The following TNRC18 variants were observed in gnomAD, a reference collection of about 807,000 sequenced individuals.
TNRC18 encodes the protein trinucleotide repeat-containing gene 18 protein.
Under a neutral mutation model 226.7 loss-of-function variants are expected in TNRC18, and 69 were observed. The observed-to-expected ratio is 0.30, with a 90% CI of 0.25 to 0.37. The LOEUF (loss-of-function observed/expected upper bound fraction) is 0.37, where lower values mean the gene tolerates loss of function less well. Among genes scored for constraint, TNRC18 ranks in the 10% least tolerant of loss-of-function variants. The probability of loss-of-function intolerance (pLI) is 1.00; values close to 1 mark genes in which losing one functional copy is unlikely to be tolerated. For synonymous variants in TNRC18, 2,449 were observed against 1,927.6 expected (o/e 1.27, Z -7.09); for missense variants, 4,754 against 4,256.6 (o/e 1.12, Z -3.25).
chr7:5,345,543 C>G lies in TNRC18; in HGVS notation c.5719+19G>C. The G allele has an allele frequency of 7.0e-7, 1 of 1,419,172 alleles. No homozygotes were observed. Among genetic ancestry groups the G allele is most frequent in the Non-Finnish European group, 9.3e-7 (1 of 1,078,492 alleles). 87.9% of individuals were successfully genotyped at this position (1,419,172 alleles called of 1,614,324 possible). A position where few individuals can be genotyped will look rare whatever the true frequency, so the allele number is the denominator to read the frequency against. ...CCCCTCCCACCCACCCCCACCGCAG[C>G]CCACCTGCTGCCACTTACCCAGCAG... On this transcript the variant is annotated intron_variant, in intron 18 of 29. Transcript: ENST00000430969.
intron 24 of TNRC18, among the ~76,000 whole-genome samples, chr7:5,319,667 C>T (rs1373370108): frequency 6.6e-6 from 1 of 152,150 alleles, no homozygotes; most frequent in Non-Finnish European, 1.5e-5. Flanking sequence ...TGCCACCACG[C>T]CCGGCTAATT....
At chr7:5,384,232 T>C (rs1232466143) in intron 5 of TNRC18, among the ~76,000 whole-genome samples, 3 of 152,108 alleles carry the variant, frequency 2.0e-5, no homozygotes, top group Non-Finnish European at 4.4e-5. Flanking sequence ...TCTCCCAAAG[T>C]GCTGGGATTA....
chr7:5,328,227 A>G (rs887492512), intron 19 of TNRC18, among the ~76,000 whole-genome samples: 3 of 148,678 alleles, frequency 2.0e-5, no homozygotes. Flanking sequence ...GCAAAAAACA[A>G]AAAAAATACT....
In TNRC18 at chr7:5,324,064, C is replaced by T; in HGVS notation, c.6442+150G>A. The T allele has an allele frequency of 2.2e-6, 2 of 895,166 alleles. No homozygotes were observed. The highest frequency in any genetic ancestry group is 3.6e-4 in the Middle Eastern group (1 of 2,802). The allele number at this position is 895,166 out of a possible 1,614,324, so 55.5% of individuals were successfully genotyped here. A position where few individuals can be genotyped will look rare whatever the true frequency, so the allele number is the denominator to read the frequency against. ...GCAGCCAGTCCAGCCTTCTCATCGA[C>T]CCGGATAACTCAGCCTCAGGATCTC... On this transcript the variant is annotated intron_variant, in intron 21 of 29. Coordinates refer to ENST00000430969, the MANE Select transcript of TNRC18 (RefSeq NM_001080495.3). The surrounding 1 kb of genome is among the most constrained non-coding windows in gnomAD (Gnocchi z 4.8).
At position 5,307,273 on chromosome 7, in the gene TNRC18, A is replaced by G. The variant is rs1786637070; in HGVS notation, c.*833T>C. ...AAAGTTTATATATATATTTATATATATTTATCTTTATATATATAATTAAAA... is the reference window on the plus strand; with the variant it reads ...AAAGTTTATATATATATTTATATATGTTTATCTTTATATATATAATTAAAA... On this transcript the variant is annotated 3_prime_UTR_variant, in exon 30 of 30. Transcript: ENST00000430969. The G allele has an allele frequency of 6.7e-6, 1 of 149,116 alleles. No homozygotes were observed. Among genetic ancestry groups the G allele is most frequent in the African/African-American group, 2.4e-5 (1 of 40,916 alleles). 9.2% of individuals were successfully genotyped at this position (149,116 alleles called of 1,614,324 possible). A position where few individuals can be genotyped will look rare whatever the true frequency, so the allele number is the denominator to read the frequency against.
intron 18 of TNRC18, among the ~76,000 whole-genome samples, chr7:5,344,503 G>A (rs976973966): frequency 2.4e-4 from 37 of 152,184 alleles, no homozygotes; most frequent in African/African-American, 8.9e-4. Flanking sequence ...AGCCTGGCGT[G>A]GGTGCCACAA....
chr7:5,371,545 A>G (rs114111028), intron 10 of TNRC18, among the ~76,000 whole-genome samples, 181 bp from the exon 11 acceptor site: 123 of 152,302 alleles, frequency 8.1e-4, no homozygotes, highest in African/African-American at 2.7e-3. Context: ...CAGTGGCCCC[A>G]AAGTGAAAAA....
chr7:5,345,591 C>A lies in TNRC18; in HGVS notation c.5690G>T (p.Arg1897Leu). ...CAGGCTCTGCCGCTCCTCTTTCTTC[C>A]GGGCCTTCTGCTTGGCCTCCAGCTG... ...VVQLEAKQKARKKEERQSLLG... is the reference protein window; with the variant it reads ...VVQLEAKQKALKKEERQSLLG... Residue 1897 changes from arginine (R) to leucine (L), a missense_variant, in exon 18 of 30, where the codon CGG becomes CTG. Arg to Leu is a moderately radical substitution (Grantham distance 102). Coordinates refer to ENST00000430969, the MANE Select transcript of TNRC18 (RefSeq NM_001080495.3). 5 of 1,348,504 alleles carry A rather than the reference C, an allele frequency of 3.7e-6. No individual in the cohort carries two copies. The highest frequency in any genetic ancestry group is 4.9e-6 in the Non-Finnish European group (5 of 1,020,770). 83.5% of individuals were successfully genotyped at this position (1,348,504 alleles called of 1,614,324 possible).
rs1313118510 is a variant in TNRC18, at chr7:5,313,671, G to A, written c.7220C>T (p.Pro2407Leu). ...CAGCTCTGCAAATGGCTCGGGTGCT[G>A]GGCAGCTGGTGAAGGCGGGTGGTGC... ...SPAPPAFTSC[P>L]APEPFAELPA... The change falls in exon 27 of 30, where the codon CCA becomes CTA. Residue 2407 changes from proline (P) to leucine (L), a missense_variant. Transcript: ENST00000430969. 3.7e-6 allele frequency: 6 copies of A among 1,605,828 alleles called. No individual in the cohort carries two copies. Among genetic ancestry groups the A allele is most frequent in the Non-Finnish European group, 5.1e-6 (6 of 1,177,052 alleles).
At chr7:5,327,769 A>C (rs191651640) in intron 19 of TNRC18, among the ~76,000 whole-genome samples, 111 of 152,294 alleles carry the variant, frequency 7.3e-4, no homozygotes, top group Non-Finnish European at 1.5e-3. Flanking sequence ...AGTAAATAAG[A>C]AAATAACTTC....
At chr7:5,346,482 G>C (rs1032160795) in intron 17 of TNRC18, among the ~76,000 whole-genome samples, 1 of 152,150 alleles carries the variant, frequency 6.6e-6, no homozygotes, top group Non-Finnish European at 1.5e-5. Flanking sequence ...GGTGACAAGA[G>C]TGAGACTCAG....
Position 5,332,975 on chromosome 7 carries a change from G to A in TNRC18, c.5794C>T (p.Pro1932Ser), listed in dbSNP as rs769561454. 1.9e-6 allele frequency: 3 copies of A among 1,566,124 alleles called. No homozygotes were observed. The highest frequency in any genetic ancestry group is 1.7e-6 in the Non-Finnish European group (2 of 1,163,968). The change falls in exon 19 of 30, where the codon CCC (proline) becomes TCC (serine). Residue 1932 changes from proline to serine, a missense_variant. Physicochemically the swap from Pro to Ser is moderately conservative, Grantham distance 74 (BLOSUM62 -1). Transcript: ENST00000430969. ...RKRSPAGLLR[P>S]KKGLGEPGPS... ...CCCGGCTCCCCCAGCCCCTTCTTGG[G>A]CCGCAGCAGCCCCGCAGGCGACCGC...
chr7:5,379,497 C>T (rs964961637), intron 5 of TNRC18, among the ~76,000 whole-genome samples: 4 of 151,612 alleles, frequency 2.6e-5, no homozygotes, highest in African/African-American at 9.8e-5. Context: ...GAGATGCTAC[C>T]GGGCTCACCC....
chr7:5,313,325 G>C lies in TNRC18; in HGVS notation c.7566C>G (p.Asp2522Glu). The change falls in exon 27 of 30, where the codon GAC becomes GAG. Residue 2522 changes from aspartate to glutamate, a missense_variant. Coordinates refer to ENST00000430969, the MANE Select transcript of TNRC18 (RefSeq NM_001080495.3). ...EPKAPWPKAT[D>E]GDLAQEPGPG... ...GCCCGGGCTCCTGGGCGAGGTCCCC[G>C]TCGGTGGCCTTGGGCCAGGGTGCCT... The C allele has an allele frequency of 6.4e-7, 1 of 1,551,556 alleles. No homozygotes were observed. The highest frequency in any genetic ancestry group is 8.7e-7 in the Non-Finnish European group (1 of 1,148,424).
rs749744645 is a variant in TNRC18, at chr7:5,362,611, C to T, written c.4395+39G>A. 32 of 1,492,856 alleles carry T rather than the reference C, an allele frequency of 2.1e-5. No homozygotes were observed. The Admixed American group carries it at 4.8e-4, about 22-fold the overall frequency. The allele number at this position is 1,492,856 out of a possible 1,614,324, so 92.5% of individuals were successfully genotyped here. On this transcript the variant is annotated intron_variant, in intron 12 of 29. Transcript: ENST00000430969. ...CACAGAGGGGCCTCCCACCCAGCCTCCCCCGCGGACCCCAGGGAGGAAGCA... is the reference window on the plus strand; with the variant it reads ...CACAGAGGGGCCTCCCACCCAGCCTTCCCCGCGGACCCCAGGGAGGAAGCA...
chr7:5,391,495 G>A (rs893288172), intron 3 of TNRC18, among the ~76,000 whole-genome samples: 5 of 151,830 alleles, frequency 3.3e-5, no homozygotes, highest in Non-Finnish European at 5.9e-5. Flanking sequence ...ATTTTTAGTA[G>A]AGATGGGGTT....
At chr7:5,354,578 G>A (rs528452935) in intron 16 of TNRC18, among the ~76,000 whole-genome samples, 33 of 152,058 alleles carry the variant, frequency 2.2e-4, no homozygotes, top group South Asian at 8.3e-4. Flanking sequence ...CACTGGCCAG[G>A]AGCCTAGGCT....
At chr7:5,369,058 T>A (rs1019813327) in intron 11 of TNRC18, among the ~76,000 whole-genome samples, 2 of 152,052 alleles carry the variant, frequency 1.3e-5, no homozygotes, top group African/African-American at 4.8e-5. Flanking sequence ...GCAAAAAGCA[T>A]GAACCGAGGC....
chr7:5,311,801 G>C (rs1458240175), intron 27 of TNRC18, among the ~76,000 whole-genome samples: 3 of 151,000 alleles, frequency 2.0e-5, no homozygotes, highest in African/African-American at 7.3e-5. Context: ...CTGGGTGACG[G>C]AGCAAGATCC....
Sources: gnomAD v4.1 joint callset for allele counts (sites outside exome capture counted in the v4.1 genomes callset) on GRCh38, gnomAD v4.1.1 for gene constraint, Gnocchi (gnomAD v3.1) non-coding constraint, MANE v1.5 for transcripts, NCBI Gene and HGNC (gene_info 2026-07-23, HGNC 2026-07-21) for gene names.